Variants in ARSJ observed in about 807,000 individuals in gnomAD.
The protein encoded by ARSJ is arylsulfatase family member J, also known as arylsulfatase J.
A neutral mutation model predicts 35.9 loss-of-function variants in ARSJ; 26 were observed. The ratio of observed to expected loss-of-function variants is 0.72; its 90% CI spans 0.53 to 1.00. The LOEUF (loss-of-function observed/expected upper bound fraction) is 1.00. ARSJ is among the 50% of genes least tolerant of loss of function. ARSJ has a pLI of 0.00. For synonymous variants in ARSJ, 294 were observed against 267.6 expected, an observed-to-expected ratio of 1.10 and a Z score of -0.96; for missense variants, 667 against 723.6, an observed-to-expected ratio of 0.92 and a Z score of 0.90.
chr4:113,930,032 T>C (rs1009953881), intron 1 of ARSJ, among the ~76,000 whole-genome samples: 8 of 152,180 alleles, frequency 5.3e-5, no homozygotes, highest in Middle Eastern at 3.4e-3. Flanking sequence ...TTGGGTCTAA[T>C]CATATTAAGC....
At chr4:113,944,031 T>C (rs546198681) in intron 1 of ARSJ, 2 of 152,202 alleles carry the variant, frequency 1.3e-5, no homozygotes, top group East Asian at 3.9e-4. Context: ...CCTGGCTGAC[T>C]TATAGAGAAT....
intron 1 of ARSJ, among the ~76,000 whole-genome samples, chr4:113,907,138 G>A (rs1369401418): frequency 6.6e-6 from 1 of 152,126 alleles, no homozygotes; most frequent in African/African-American, 2.4e-5. Context: ...GAAAAATCAA[G>A]GAGCAGAGGA....
At chr4:113,912,172 T>C (rs17620658) in intron 1 of ARSJ, among the ~76,000 whole-genome samples, 8,339 of 152,138 alleles carry the variant, frequency 0.055, 311 homozygotes, top group East Asian at 0.11. Context: ...AAAGACAAAA[T>C]GGAGAAGGCC....
intron 1 of ARSJ, among the ~76,000 whole-genome samples, chr4:113,936,612 C>A (rs981601266): frequency 4.0e-5 from 6 of 151,670 alleles, no homozygotes; most frequent in Non-Finnish European, 1.5e-5. Flanking sequence ...AATAATCTAA[C>A]CACAAAATTA....
In ARSJ at chr4:113,979,104, GA is replaced by G. The variant is rs70961865; in HGVS notation, c.-271del. ...CCTCCCTAGAGCAGCTTCCACCAAGGAAAAAAAAAAGAAAAAAGTTAATATC... is the reference window on the plus strand; with the variant it reads ...CCTCCCTAGAGCAGCTTCCACCAAGGAAAAAAAAAGAAAAAAGTTAATATC... On this transcript the variant is annotated 5_prime_UTR_variant, in exon 1 of 2. Transcript: ENST00000315366. The G allele has an allele frequency of 1.6e-3, 454 of 284,300 alleles. No homozygotes were observed. The highest frequency in any genetic ancestry group is 4.1e-3 in the East Asian group (77 of 18,854). The allele number at this position is 284,300 out of a possible 1,614,324, so 17.6% of individuals were successfully genotyped here.
chr4:113,911,989 C>G (rs1025307246), intron 1 of ARSJ, among the ~76,000 whole-genome samples: 1 of 152,092 alleles, frequency 6.6e-6, no homozygotes, highest in African/African-American at 2.4e-5. Flanking sequence ...GAAATTAGAT[C>G]ACCATAAGGT....
chr4:113,968,947 A>G (rs141838689), intron 1 of ARSJ, among the ~76,000 whole-genome samples: 83 of 152,330 alleles, frequency 5.4e-4, no homozygotes, highest in African/African-American at 1.9e-3. Context: ...CAATATATTA[A>G]TTCAAAACTA....
chr4:113,941,076 A>G (rs1725129403), intron 1 of ARSJ, among the ~76,000 whole-genome samples: 1 of 151,990 alleles, frequency 6.6e-6, no homozygotes, highest in South Asian at 2.1e-4. Flanking sequence ...CTATAGCTAA[A>G]CTTCTGCACT....
rs569709226 is a variant in ARSJ at position 113,941,011 on chromosome 4, C to T, written c.399-37336G>A. 1.3e-4 allele frequency among the ~76,000 whole-genome samples: 20 copies of T among 152,026 alleles called. No individual in the cohort carries two copies. The South Asian group carries it at 4.0e-3, about 30-fold the overall frequency. On this transcript the variant is annotated intron_variant, in intron 1 of 1. Coordinates refer to ENST00000315366, the MANE Select transcript of ARSJ (RefSeq NM_024590.4). ...AGAGAAAAAGAAGGTGGTCAGGTAG[C>T]TGAGTAGCCTTCAAAGAGTTATCTC...
chr4:113,940,645 T>TAA (rs566983455), intron 1 of ARSJ, among the ~76,000 whole-genome samples: 21 of 144,630 alleles, frequency 1.5e-4, no homozygotes, highest in African/African-American at 2.8e-4. Flanking sequence ...CCCTGGAACT[T>TAA]AAAAAAAAAA....
At chr4:113,973,247 T>C (rs1727387649) in intron 1 of ARSJ, among the ~76,000 whole-genome samples, 1 of 152,204 alleles carries the variant, frequency 6.6e-6, no homozygotes, top group Non-Finnish European at 1.5e-5. Context: ...CTGTACTACA[T>C]AACTAAATTT....
At chr4:113,904,578 G>A (rs1321793369) in intron 1 of ARSJ, among the ~76,000 whole-genome samples, 2 of 152,110 alleles carry the variant, frequency 1.3e-5, no homozygotes, top group African/African-American at 4.8e-5. Flanking sequence ...TCCGCCTCCC[G>A]GGTTCACGCC....
chr4:113,968,262 A>G (rs1305776071), intron 1 of ARSJ, among the ~76,000 whole-genome samples: 1 of 152,212 alleles, frequency 6.6e-6, no homozygotes, highest in Non-Finnish European at 1.5e-5. Context: ...TCACTGTGAT[A>G]AATATATGAG....
intron 1 of ARSJ, among the ~76,000 whole-genome samples, chr4:113,974,893 A>G (rs1398349785): frequency 1.3e-5 from 2 of 152,204 alleles, no homozygotes; most frequent in African/African-American, 4.8e-5. Context: ...CACTGTTTAT[A>G]ATAACCCAAC....
At chr4:113,969,615 C>T (rs1727115912) in intron 1 of ARSJ, among the ~76,000 whole-genome samples, 1 of 152,102 alleles carries the variant, frequency 6.6e-6, no homozygotes, top group South Asian at 2.1e-4. Context: ...AATAACATTA[C>T]TATGATTCTA....
At chr4:113,946,896 T>C (rs1317210944) in intron 1 of ARSJ, among the ~76,000 whole-genome samples, 1 of 152,124 alleles carries the variant, frequency 6.6e-6, no homozygotes, top group African/African-American at 2.4e-5. Flanking sequence ...TTATCAATTA[T>C]AAAAATGTTA....
chr4:113,933,874 G>C (rs1212843977), intron 1 of ARSJ, among the ~76,000 whole-genome samples: 4 of 151,700 alleles, frequency 2.6e-5, no homozygotes, highest in African/African-American at 9.7e-5. Context: ...TAACATAATA[G>C]TGGAAGTCCT....
chr4:113,933,685 T>C (rs1724598258), intron 1 of ARSJ, among the ~76,000 whole-genome samples: 1 of 151,738 alleles, frequency 6.6e-6, no homozygotes, highest in Admixed American at 6.6e-5. Flanking sequence ...ATTCAACATA[T>C]GACAAACCTT....
intron 1 of ARSJ, among the ~76,000 whole-genome samples, chr4:113,956,229 G>A (rs1315079480): frequency 6.6e-6 from 1 of 151,884 alleles, no homozygotes; most frequent in Non-Finnish European, 1.5e-5. Context: ...ACATGTGCTT[G>A]GAATAAAATA....
Sources: gnomAD v4.1 joint callset for allele counts (sites outside exome capture counted in the v4.1 genomes callset) on GRCh38, gnomAD v4.1.1 for gene constraint, MANE v1.5 for transcripts, NCBI Gene and HGNC (gene_info 2026-07-23, HGNC 2026-07-21) for gene names.